H2AJ: variants seen among roughly 807,000 people sequenced by gnomAD.
H2AJ encodes the protein histone H2A.J.
H2AJ carries 3 observed loss-of-function variants against 7.9 expected under a neutral mutation model. That is an observed-to-expected ratio of 0.38 (90% confidence interval 0.17 to 0.98). H2AJ has a LOEUF of 0.98. Ranked by LOEUF, H2AJ falls within the 50% of genes least tolerant of loss-of-function variation. The pLI is 0.39. For missense variants in H2AJ, 128 were observed against 174.4 expected (o/e 0.73, Z 1.50); for synonymous variants, 98 against 85.7 (o/e 1.14, Z -0.79).
rs373447600 is a variant in H2AJ, at chr12:14,774,630, G to A, written c.160G>A (p.Ala54Thr). ...CGCCGGGGCGCCGGTGTACCTGGCG[G>A]CGGTGTTGGAGTACCTTACGGCGGA... The part of the protein sequence containing the change: ...VGAGAPVYLA[A>T]VLEYLTAEIL... Residue 54 changes from alanine (A) to threonine (T), a missense_variant, in exon 1 of 1, where the codon GCG (alanine) becomes ACG (threonine). By Grantham distance (58) the Ala-to-Thr change is moderately conservative (BLOSUM62 0). Transcript: ENST00000544848. The A allele has an allele frequency of 6.2e-7, 1 of 1,614,140 alleles. No homozygotes were observed. Among genetic ancestry groups the A allele is most frequent in the Non-Finnish European group, 8.5e-7 (1 of 1,180,018 alleles).
downstream of H2AJ, chr12:14,777,630 T>G (rs575725803): frequency 1.2e-5 from 2 of 167,136 alleles, no homozygotes; most frequent in Admixed American, 1.3e-4. Flanking sequence ...TAAATTCAGA[T>G]TCACTCTACT....
chr12:14,774,571 T>G lies in H2AJ; in HGVS notation c.101T>G (p.Leu34Arg), dbSNP rs1375731894. ...TTCCCGGTGGGCCGAGTGCACAGAC[T>G]GCTGCGCAAAGGGAACTACGCGGAG... is the stretch of plus-strand genomic sequence containing the variant. ...LQFPVGRVHR[L>R]LRKGNYAERV... The change falls in exon 1 of 1, where the codon CTG becomes CGG. Residue 34 changes from leucine to arginine, a missense_variant. Coordinates refer to ENST00000544848, the MANE Select transcript of H2AJ (RefSeq NM_177925.5). 3.1e-6 allele frequency: 5 copies of G among 1,613,652 alleles called. No homozygotes were observed. In the South Asian group the frequency reaches 5.5e-5, roughly 18 times the overall value.
Position 14,774,922 on chromosome 12 carries a change from C to G in H2AJ, c.*62C>G. The G allele has an allele frequency of 2.6e-6, 4 of 1,556,608 alleles. No individual in the cohort carries two copies. Among genetic ancestry groups the G allele is most frequent in the South Asian group, 2.4e-5 (2 of 83,762 alleles). ...AAAGGCCCTTTTCATGGTCGTCCCG[C>G]AATGCTTTTGAATGTGCTGGATGTC... On this transcript the variant is annotated 3_prime_UTR_variant, in exon 1 of 1. Transcript: ENST00000544848.
downstream of H2AJ, chr12:14,776,874 C>T (rs1432684221): frequency 6.0e-6 from 1 of 167,060 alleles, no homozygotes; most frequent in African/African-American, 2.4e-5. Flanking sequence ...GACATCAAGA[C>T]ATTCATAAGA....
In H2AJ at chr12:14,774,448, G is replaced by A. The variant is rs1490433086; in HGVS notation, c.-23G>A. ...CCGAGAGCGGTTTGTCTCCGTCTCT[G>A]GAGTTGTAGGCGAGAGGTGATCATG... On this transcript the variant is annotated 5_prime_UTR_variant, in exon 1 of 1. Transcript: ENST00000544848. 2.6e-6 allele frequency: 4 copies of A among 1,537,994 alleles called. No homozygotes were observed. In the East Asian group the frequency reaches 9.0e-5, roughly 35 times the overall value.
downstream of H2AJ, chr12:14,775,222 A>G: frequency 2.1e-6 from 1 of 483,620 alleles, no homozygotes; most frequent in Non-Finnish European, 4.2e-6. Flanking sequence ...CGCTGTCAGT[A>G]GGGCAAAGGG....
At chr12:14,776,843 G>A (rs978214996), downstream of H2AJ, 3 of 167,042 alleles carry the variant, frequency 1.8e-5, no homozygotes, top group Admixed American at 6.5e-5. Context: ...TTACCAAAAT[G>A]ATGAAGAAAT....
chr12:14,775,077 AG>A, downstream of H2AJ: 1 of 612,096 alleles, frequency 1.6e-6, no homozygotes, highest in Non-Finnish European at 2.9e-6. Context: ...GCCCCAGGGG[AG>A]GGGGGCGACC....
chr12:14,777,220 G>A (rs1303244364), downstream of H2AJ: 1 of 166,976 alleles, frequency 6.0e-6, no homozygotes. Flanking sequence ...AATTTAAAAG[G>A]CCAGTATTTC....
chr12:14,776,773 A>G (rs1256427988), downstream of H2AJ: 3 of 167,082 alleles, frequency 1.8e-5, no homozygotes, highest in Non-Finnish European at 1.5e-5. Context: ...AACAAAATGC[A>G]TATATGGTTT....
At chr12:14,777,316 A>G (rs1949654153), downstream of H2AJ, 1 of 166,858 alleles carries the variant, frequency 6.0e-6, no homozygotes, top group Admixed American at 6.6e-5. Flanking sequence ...TATAATCCAT[A>G]GTTTTATTTA....
chr12:14,775,837 C>T (rs74068121), downstream of H2AJ: 2,343 of 177,740 alleles, frequency 0.013, 52 homozygotes, highest in African/African-American at 0.052. Flanking sequence ...TAGCCTGAAG[C>T]AATGACCTCA....
downstream of H2AJ, chr12:14,777,481 C>T (rs117925560): frequency 2.8e-3 from 463 of 167,070 alleles, 2 homozygotes; most frequent in Non-Finnish European, 5.7e-3. Flanking sequence ...GTTGTGCCTG[C>T]CTGGAATCAA....
At position 14,775,019 on chromosome 12, in the gene H2AJ, A is replaced by C; in HGVS notation, c.*159A>C. 1.2e-6 allele frequency: 1 copy of C among 865,774 alleles called. No individual in the cohort carries two copies. Among genetic ancestry groups the C allele is most frequent in the Non-Finnish European group, 1.8e-6 (1 of 564,830 alleles). 53.6% of individuals were successfully genotyped at this position (865,774 alleles called of 1,614,324 possible). On this transcript the variant is annotated 3_prime_UTR_variant, in exon 1 of 1. Transcript: ENST00000544848. ...CGGCGGGAGCCAATAAAGTTGGTGAAAATCGTTTGGTCGAGAGAGCTGTGT... is the reference window on the plus strand; with the variant it reads ...CGGCGGGAGCCAATAAAGTTGGTGACAATCGTTTGGTCGAGAGAGCTGTGT...
rs371368734 is a variant in H2AJ at position 14,774,826 on chromosome 12, A to G, written c.356A>G (p.Lys119Arg). The G allele has an allele frequency of 3.7e-6, 6 of 1,614,112 alleles. No homozygotes were observed. The highest frequency in any genetic ancestry group is 1.6e-4 in the Middle Eastern group (1 of 6,084). Residue 119 changes from lysine (K) to arginine (R), a missense_variant, in exon 1 of 1, where the codon AAG becomes AGG. Lys to Arg is a conservative substitution (Grantham distance 26). Transcript: ENST00000544848. ...LPNIQAVLLPKKTESQKTKSK is the reference protein window; with the variant it reads ...LPNIQAVLLPRKTESQKTKSK ...AACATCCAGGCCGTGCTGCTGCCCAAGAAGACGGAGAGTCAGAAGACGAAG... is the reference window on the plus strand; with the variant it reads ...AACATCCAGGCCGTGCTGCTGCCCAGGAAGACGGAGAGTCAGAAGACGAAG...
In H2AJ at chr12:14,774,812, C is replaced by A. The variant is rs1438115427; in HGVS notation, c.342C>A (p.Ala114=). ...AQGGVLPNIQ[A]VLLPKKTESQ... is the part of the protein sequence containing the mutation. Reference sequence around the variant, plus strand: ...GCGGCGTCCTGCCCAACATCCAGGCCGTGCTGCTGCCCAAGAAGACGGAGA... The same window carrying A: ...GCGGCGTCCTGCCCAACATCCAGGCAGTGCTGCTGCCCAAGAAGACGGAGA... Residue 114 remains alanine, a synonymous_variant, in exon 1 of 1, where the codon GCC becomes GCA. Transcript: ENST00000544848. The A allele has an allele frequency of 2.5e-6, 4 of 1,614,104 alleles. No homozygotes were observed. The African/African-American group carries it at 5.3e-5, about 22-fold the overall frequency.
downstream of H2AJ, chr12:14,776,110 T>C (rs1042686414): frequency 6.0e-6 from 1 of 167,148 alleles, no homozygotes; most frequent in African/African-American, 2.4e-5. Context: ...GGATTCATCT[T>C]TCCTGTGAGT....
chr12:14,775,151 C>G (rs1321077162), downstream of H2AJ: 4 of 502,544 alleles, frequency 8.0e-6, no homozygotes, highest in Admixed American at 2.9e-5. Context: ...CTTTAGTCCG[C>G]AGGTCACCCT....
chr12:14,777,955 A>G (rs1305647109), downstream of H2AJ: 2 of 167,094 alleles, frequency 1.2e-5, no homozygotes, highest in African/African-American at 4.8e-5. Context: ...GACATCCACA[A>G]TTCAATGTAT....
Sources: gnomAD v4.1 joint callset for allele counts on GRCh38, gnomAD v4.1.1 for gene constraint, MANE v1.5 for transcripts, NCBI Gene and HGNC (gene_info 2026-07-23, HGNC 2026-07-21) for gene names.